SLC16A12: variants seen among roughly 807,000 people sequenced by gnomAD.
SLC16A12 encodes the protein solute carrier family 16 member 12.
SLC16A12 carries 17 observed loss-of-function variants against 42.4 expected under a neutral mutation model. The ratio of observed to expected loss-of-function variants is 0.40; its 90% CI spans 0.27 to 0.60. SLC16A12 has a LOEUF of 0.60. SLC16A12 is among the 20% of genes least tolerant of loss of function. The pLI is 0.42. For synonymous variants in SLC16A12, 224 were observed against 229.4 expected (o/e 0.98, Z 0.21); for missense variants, 544 against 623.0 (o/e 0.87, Z 1.35).
chr10:89,528,130 G>T (rs1291546104), intron 2 of SLC16A12, among the ~76,000 whole-genome samples: 1 of 152,036 alleles, frequency 6.6e-6, no homozygotes, highest in Non-Finnish European at 1.5e-5. Flanking sequence ...GAGCCTGGGA[G>T]GTCGAGGCTG....
At chr10:89,537,458 T>G (rs934658453), upstream of SLC16A12, among the ~76,000 whole-genome samples, 1 of 152,198 alleles carries the variant, frequency 6.6e-6, no homozygotes, top group Non-Finnish European at 1.5e-5. Flanking sequence ...ATTTAAGTCC[T>G]ATTTTCACTT....
In SLC16A12 at chr10:89,432,572, A is replaced by C. The variant is rs2133670827; in HGVS notation, c.*492T>G. The C allele has an allele frequency of 1.3e-5, 2 of 153,400 alleles. No homozygotes were observed. Among genetic ancestry groups the C allele is most frequent in the South Asian group, 4.1e-4 (2 of 4,866 alleles). 9.5% of individuals were successfully genotyped at this position (153,400 alleles called of 1,614,324 possible). A position where few individuals can be genotyped will look rare whatever the true frequency, so the allele number is the denominator to read the frequency against. ...AAGTAAAACCCTAATGAGAAACTCC[A>C]CCATGAAAAAGTATGGCATCTTCAC... On this transcript the variant is annotated 3_prime_UTR_variant, in exon 8 of 8. Transcript: ENST00000371790.
intron 2 of SLC16A12, chr10:89,467,905 AC>A (rs1842429918): frequency 6.6e-6 from 1 of 152,214 alleles, no homozygotes; most frequent in Non-Finnish European, 1.5e-5. Context: ...AGTAGAGGAC[AC>A]ATTGTAGGCA....
chr10:89,446,214 C>A lies in SLC16A12; in HGVS notation c.201-2355G>T, dbSNP rs145180343. 2.8e-3 allele frequency among the ~76,000 whole-genome samples: 433 copies of A among 152,298 alleles called. 2 individuals carry two copies. The highest frequency in any genetic ancestry group is 9.6e-3 in the African/African-American group (397 of 41,564). ...TATTATCCAGGAGAACTTCCCCAATCTAGTGAGGCAGGCCAACATTCAAAT... is the reference window on the plus strand; with the variant it reads ...TATTATCCAGGAGAACTTCCCCAATATAGTGAGGCAGGCCAACATTCAAAT... On this transcript the variant is annotated intron_variant, in intron 3 of 7. Transcript: ENST00000371790.
intron 2 of SLC16A12, among the ~76,000 whole-genome samples, chr10:89,502,129 A>G (rs1842998674): frequency 1.3e-5 from 2 of 152,070 alleles, no homozygotes; most frequent in South Asian, 2.1e-4. Flanking sequence ...ATACAGCACA[A>G]TGACCATTTC....
chr10:89,486,664 A>AAAGAAAGAAAAG (rs1564585989), intron 2 of SLC16A12, among the ~76,000 whole-genome samples: 27 of 94,112 alleles, frequency 2.9e-4, no homozygotes, highest in African/African-American at 1.2e-3. Flanking sequence ...AGAAAGAAAG[A>AAAGAAAGAAAAG]AAAGAAAGAA....
chr10:89,490,884 T>G (rs1842836652), intron 2 of SLC16A12, among the ~76,000 whole-genome samples: 1 of 152,094 alleles, frequency 6.6e-6, no homozygotes, highest in African/African-American at 2.4e-5. Context: ...TCAAAAATCA[T>G]CTCATTAACA....
intron 2 of SLC16A12, among the ~76,000 whole-genome samples, chr10:89,483,754 C>CA (rs796203412): frequency 0.03 from 3,071 of 102,112 alleles, 59 homozygotes; most frequent in African/African-American, 0.058. Context: ...AAAAAAAAAA[C>CA]AAAAAAAAAA....
At chr10:89,539,150 C>T (rs543315242), upstream of SLC16A12, among the ~76,000 whole-genome samples, 2 of 152,312 alleles carry the variant, frequency 1.3e-5, no homozygotes, top group African/African-American at 4.8e-5. Context: ...GTATCTGTCT[C>T]AATGGTCCTG....
intron 2 of SLC16A12, among the ~76,000 whole-genome samples, chr10:89,547,639 T>C (rs540884104): frequency 2.9e-4 from 44 of 152,326 alleles, no homozygotes; most frequent in Non-Finnish European, 5.4e-4. Context: ...ATCATTTTGT[T>C]TCAAAAGAAA....
chr10:89,433,726 A>G (rs1052944501), intron 7 of SLC16A12, among the ~76,000 whole-genome samples: 1 of 152,252 alleles, frequency 6.6e-6, no homozygotes, highest in Non-Finnish European at 1.5e-5. Flanking sequence ...CACAGCACCC[A>G]TACACTGTTT....
chr10:89,495,116 C>T (rs1325303496), intron 2 of SLC16A12, among the ~76,000 whole-genome samples: 9 of 152,052 alleles, frequency 5.9e-5, no homozygotes, highest in East Asian at 1.9e-4. Context: ...TTTGGGAGGT[C>T]GAGGTGGGCA....
At position 89,481,995 on chromosome 10, in the gene SLC16A12, A is replaced by T. The variant is rs535063755; in HGVS notation, c.-46-19371T>A. Among the ~76,000 whole-genome samples, 4 of 152,306 alleles carry T rather than the reference A, an allele frequency of 2.6e-5. No individual in the cohort carries two copies. The East Asian group carries it at 7.7e-4, about 29-fold the overall frequency. On this transcript the variant is annotated intron_variant, in intron 2 of 7. Coordinates refer to ENST00000371790, the MANE Select transcript of SLC16A12 (RefSeq NM_213606.4). The stretch of plus-strand genomic sequence containing the variant: ...AGAAAAACAAGTTAATATTTTCAGG[A>T]TAAAAATAAGTAAAGGCATGAGTTA...
At chr10:89,478,664 A>G (rs1190817473) in intron 2 of SLC16A12, among the ~76,000 whole-genome samples, 1 of 152,092 alleles carries the variant, frequency 6.6e-6, no homozygotes, top group Non-Finnish European at 1.5e-5. Context: ...GCCACCTATC[A>G]CCTTTATTTA....
chr10:89,483,704 C>T (rs1012842287), intron 2 of SLC16A12, among the ~76,000 whole-genome samples: 1 of 142,954 alleles, frequency 7.0e-6, no homozygotes, highest in Non-Finnish European at 1.5e-5. Context: ...AGCCACTGCA[C>T]TCCAGCCTTG....
chr10:89,494,299 A>C (rs1048518477), intron 2 of SLC16A12, among the ~76,000 whole-genome samples: 4 of 152,256 alleles, frequency 2.6e-5, no homozygotes, highest in Admixed American at 2.6e-4. Flanking sequence ...GACATTTGGC[A>C]GTAAGTTTCA....
intron 4 of SLC16A12, 120 bp downstream of exon 4, chr10:89,443,636 G>C: frequency 1.3e-6 from 1 of 768,572 alleles, no homozygotes; most frequent in Non-Finnish European, 2.3e-6. Context: ...TATAGTCCTA[G>C]CCAGTTTTTA....
intron 2 of SLC16A12, 83 bp downstream of exon 2, chr10:89,534,418 T>C (rs1027750138): frequency 2.6e-5 from 4 of 152,078 alleles, no homozygotes; most frequent in African/African-American, 7.2e-5. Flanking sequence ...AGTGCCTAGC[T>C]CTGAGCAAAG....
At chr10:89,510,335 T>C (rs1333245493) in intron 2 of SLC16A12, among the ~76,000 whole-genome samples, 4 of 152,042 alleles carry the variant, frequency 2.6e-5, no homozygotes, top group Non-Finnish European at 5.9e-5. Context: ...CTTCAAACCA[T>C]ACTACAAGGC....
Sources: gnomAD v4.1 joint callset for allele counts (sites outside exome capture counted in the v4.1 genomes callset) on GRCh38, gnomAD v4.1.1 for gene constraint, MANE v1.5 for transcripts, NCBI Gene and HGNC (gene_info 2026-07-23, HGNC 2026-07-21) for gene names.